Variants in ZNF79 observed in about 807,000 individuals in gnomAD.
ZNF79 encodes ZNFpT7.
A neutral mutation model predicts 14.9 loss-of-function variants in ZNF79; 13 were observed. The ratio of observed to expected loss-of-function variants is 0.87; its 90% CI spans 0.57 to 1.38. The LOEUF is 1.38. ZNF79 is among the 40% of genes most tolerant of loss of function. The probability of loss-of-function intolerance (pLI) is 0.00; values close to 1 mark genes in which losing one functional copy is unlikely to be tolerated. For synonymous variants in ZNF79, 223 were observed against 235.1 expected (o/e 0.95, Z 0.47); for missense variants, 631 against 630.6 (o/e 1.00, Z -0.01).
At chr9:127,431,543 CT>C (rs1225334863) in intron 2 of ZNF79, among the ~76,000 whole-genome samples, 2 of 152,190 alleles carry the variant, frequency 1.3e-5, no homozygotes, top group African/African-American at 4.8e-5. Flanking sequence ...GCCACTGTGC[CT>C]GACCCTAATA....
intron 2 of ZNF79, among the ~76,000 whole-genome samples, chr9:127,433,293 T>A (rs1248006363): frequency 2.6e-5 from 4 of 152,136 alleles, no homozygotes; most frequent in Non-Finnish European, 5.9e-5. Context: ...TCAATGGGGA[T>A]TGATGCTGCG....
chr9:127,440,151 C>T (rs1446622812), intron 4 of ZNF79, among the ~76,000 whole-genome samples: 4 of 152,254 alleles, frequency 2.6e-5, no homozygotes, highest in East Asian at 1.9e-4. Context: ...CATGAGCCAC[C>T]GCGCCCGGCC....
At chr9:127,437,482 T>G (rs1467143722) in intron 4 of ZNF79, among the ~76,000 whole-genome samples, 2 of 151,850 alleles carry the variant, frequency 1.3e-5, no homozygotes, top group Admixed American at 6.6e-5. Flanking sequence ...TTCATCATAG[T>G]CTCAGAGGGG....
In ZNF79 at chr9:127,424,967, C is replaced by T. The variant is rs1327245726; in HGVS notation, c.16+164C>T. The T allele has an allele frequency of 2.7e-6, 4 of 1,494,932 alleles. No homozygotes were observed. The African/African-American group carries it at 5.6e-5, about 21-fold the overall frequency. The allele number at this position is 1,494,932 out of a possible 1,614,324, so 92.6% of individuals were successfully genotyped here. A position where few individuals can be genotyped will look rare whatever the true frequency, so the allele number is the denominator to read the frequency against. ...GCCCATGACACAGCCCCAGGAGATC[C>T]TGAGAACATGTGCCCCTACAGTCCT... On this transcript the variant is annotated intron_variant, in intron 1 of 4. Coordinates refer to ENST00000342483, the MANE Select transcript of ZNF79 (RefSeq NM_007135.3).
intron 1 of ZNF79, 96 bp from the exon 2 acceptor site, chr9:127,428,736 A>G (rs1833805507): frequency 7.7e-7 from 1 of 1,298,556 alleles, no homozygotes; most frequent in African/African-American, 1.5e-5. Context: ...GATTCAGCCC[A>G]CGTGCCCTGA....
At chr9:127,425,425 GAA>G (rs1336802522) in intron 1 of ZNF79, among the ~76,000 whole-genome samples, 1 of 152,190 alleles carries the variant, frequency 6.6e-6, no homozygotes, top group African/African-American at 2.4e-5. Context: ...ATGTGGTACA[GAA>G]CAAATGTGTA....
chr9:127,432,598 G>C lies in ZNF79; in HGVS notation c.106-2492G>C, dbSNP rs573861519. On this transcript the variant is annotated intron_variant, in intron 2 of 4. Transcript: ENST00000342483. ...CTTTATCTGCCCATTTGGCTGGTCTGTGCTTTATGAGGATGGAGTTTGTGT... is the reference window on the plus strand; with the variant it reads ...CTTTATCTGCCCATTTGGCTGGTCTCTGCTTTATGAGGATGGAGTTTGTGT... 3.3e-5 allele frequency among the ~76,000 whole-genome samples: 5 copies of C among 149,916 alleles called. No individual in the cohort carries two copies. The East Asian group carries it at 9.8e-4, about 29-fold the overall frequency.
intron 4 of ZNF79, among the ~76,000 whole-genome samples, chr9:127,438,212 C>T (rs1342618748): frequency 1.3e-5 from 2 of 152,210 alleles, no homozygotes; most frequent in Non-Finnish European, 2.9e-5. Context: ...GTTGAGGGCT[C>T]AGTCCCACAA....
In ZNF79 at chr9:127,445,019, C is replaced by A; in HGVS notation, c.1319C>A (p.Thr440Asn). The change falls in exon 5 of 5, where the codon ACC becomes AAC. Residue 440 changes from threonine to asparagine, a missense_variant. Coordinates refer to ENST00000342483, the MANE Select transcript of ZNF79 (RefSeq NM_007135.3). ...SALIRHHIIH[T>N]GEKPYECNEC... Reference sequence around the variant, plus strand: ...CTCATTCGGCATCATATAATCCACACCGGAGAAAAACCTTATGAGTGTAAT... The same window carrying A: ...CTCATTCGGCATCATATAATCCACAACGGAGAAAAACCTTATGAGTGTAAT... 1 of 1,614,210 alleles carries A rather than the reference C, an allele frequency of 6.2e-7. No homozygotes were observed. Among genetic ancestry groups the A allele is most frequent in the Non-Finnish European group, 8.5e-7 (1 of 1,180,054 alleles).
chr9:127,433,337 T>G (rs765418893), intron 2 of ZNF79, among the ~76,000 whole-genome samples: 10 of 152,176 alleles, frequency 6.6e-5, no homozygotes, highest in Non-Finnish European at 1.5e-4. Flanking sequence ...GTTGCTGGCT[T>G]GGCCAGCTAG....
chr9:127,438,397 G>A (rs1564235643), intron 4 of ZNF79, among the ~76,000 whole-genome samples: 2 of 152,188 alleles, frequency 1.3e-5, no homozygotes, highest in African/African-American at 2.4e-5. Context: ...TGCATGGGAC[G>A]AGGGGTGGGG....
intron 2 of ZNF79, among the ~76,000 whole-genome samples, chr9:127,429,136 C>T (rs1833814605): frequency 6.6e-6 from 1 of 152,114 alleles, no homozygotes; most frequent in Non-Finnish European, 1.5e-5. Flanking sequence ...TGCTTCAGCT[C>T]CCAGGTAGCT....
Position 127,444,294 on chromosome 9 carries a change from T to C in ZNF79, c.594T>C (p.Cys198=), listed in dbSNP as rs1198141332. 1 of 1,614,054 alleles carries C rather than the reference T, an allele frequency of 6.2e-7. No individual in the cohort carries two copies. Among genetic ancestry groups the C allele is most frequent in the Non-Finnish European group, 8.5e-7 (1 of 1,180,050 alleles). The change falls in exon 5 of 5, where the codon TGT becomes TGC. Residue 198 remains cysteine (C), a synonymous_variant. Transcript: ENST00000342483. ...HRAKPYACNE[C]GKAFSYCSSL... is the part of the protein sequence containing the mutation. ...CAAAACCATATGCATGTAATGAATGTGGCAAAGCCTTCAGTTACTGTTCTT... is the reference window on the plus strand; with the variant it reads ...CAAAACCATATGCATGTAATGAATGCGGCAAAGCCTTCAGTTACTGTTCTT...
At chr9:127,434,929 T>C (rs915053199) in intron 2 of ZNF79, among the ~76,000 whole-genome samples, 161 bp from the exon 3 acceptor site, 39 of 152,096 alleles carry the variant, frequency 2.6e-4, no homozygotes, top group African/African-American at 8.9e-4. Flanking sequence ...GCGCTGGGAG[T>C]ACAGGCGTGA....
chr9:127,432,523 G>C (rs1007489168), intron 2 of ZNF79, among the ~76,000 whole-genome samples: 1 of 130,686 alleles, frequency 7.7e-6, no homozygotes, highest in African/African-American at 3.0e-5. Flanking sequence ...AAAGTTTTTG[G>C]CTATGTATTT....
At chr9:127,439,205 AACGCG>A (rs915649869) in intron 4 of ZNF79, among the ~76,000 whole-genome samples, 2 of 150,528 alleles carry the variant, frequency 1.3e-5, no homozygotes, top group South Asian at 2.1e-4. Flanking sequence ...ACACACACAC[AACGCG>A]CACACACACA....
At chr9:127,428,586 T>C in intron 1 of ZNF79, 2 of 1,051,560 alleles carry the variant, frequency 1.9e-6, no homozygotes, top group Non-Finnish European at 2.4e-6. Context: ...GTTACGTGAT[T>C]TGCACACTGC....
intron 1 of ZNF79, chr9:127,428,623 G>C (rs1833803529): frequency 8.5e-7 from 1 of 1,179,096 alleles, no homozygotes; most frequent in South Asian, 4.0e-5. Flanking sequence ...ATGGATACTT[G>C]AGAGTCTGTG....
chr9:127,445,208 G>A lies in ZNF79; in HGVS notation c.*11G>A. On this transcript the variant is annotated 3_prime_UTR_variant, in exon 5 of 5. Transcript: ENST00000342483. The stretch of plus-strand genomic sequence containing the variant: ...CACGCCGGAGAGTAACTAGGAACAT[G>A]GTAGAAGTGGAGAGAGTCCCGGACA... 3.1e-6 allele frequency: 5 copies of A among 1,612,140 alleles called. No individual in the cohort carries two copies. The South Asian group carries it at 5.5e-5, about 18-fold the overall frequency.
Sources: gnomAD v4.1 joint callset for allele counts (sites outside exome capture counted in the v4.1 genomes callset) on GRCh38, gnomAD v4.1.1 for gene constraint, MANE v1.5 for transcripts, NCBI Gene and HGNC (gene_info 2026-07-23, HGNC 2026-07-21) for gene names.